ABCG1: variants seen among roughly 807,000 people sequenced by gnomAD.
The protein encoded by ABCG1 is ATP-binding cassette sub-family G member 1.
ABCG1 carries 29 observed loss-of-function variants against 69.2 expected under a neutral mutation model. The observed-to-expected ratio is 0.42, with a 90% CI of 0.31 to 0.57. The LOEUF (loss-of-function observed/expected upper bound fraction) is 0.57, where lower values mean the gene tolerates loss of function less well. Ranked by LOEUF, ABCG1 falls within the 20% of genes least tolerant of loss-of-function variation. The probability of loss-of-function intolerance (pLI) is 0.15; values close to 1 mark genes in which losing one functional copy is unlikely to be tolerated. For synonymous variants in ABCG1, 370 were observed against 374.8 expected (o/e 0.99, Z 0.15); for missense variants, 718 against 898.1 (o/e 0.80, Z 2.56).
chr21:42,217,979 T>C (rs975173017), upstream of ABCG1, among the ~76,000 whole-genome samples: 12 of 152,082 alleles, frequency 7.9e-5, no homozygotes, highest in African/African-American at 2.4e-4. Context: ...GGATGACTCT[T>C]GAGACAACAC....
At chr21:42,278,286 AC>A (rs891393879) in intron 5 of ABCG1, among the ~76,000 whole-genome samples, 2 of 151,306 alleles carry the variant, frequency 1.3e-5, no homozygotes, top group African/African-American at 2.4e-5. Context: ...TAACGTAGAC[AC>A]CCCCCCACAA....
chr21:42,220,052 T>G, intron 1 of ABCG1: 2 of 1,551,046 alleles, frequency 1.3e-6, no homozygotes, highest in Non-Finnish European at 1.7e-6. Context: ...TTACTGTAAG[T>G]GCTGTTTCCA....
chr21:42,293,519 CCACACATACTACACACCACGCACTA>C (rs961485769), intron 13 of ABCG1, among the ~76,000 whole-genome samples: 2 of 146,658 alleles, frequency 1.4e-5, no homozygotes, highest in Non-Finnish European at 3.0e-5. Flanking sequence ...ACACTACCCA[CCACACATACTACACACCACGCACTA>C]CACACATACC....
intron 2 of ABCG1, among the ~76,000 whole-genome samples, chr21:42,266,184 C>T (rs1166501183): frequency 6.6e-6 from 1 of 152,174 alleles, no homozygotes; most frequent in South Asian, 2.1e-4. Context: ...ACCTGTAATC[C>T]CAGCTACTCA....
At position 42,288,674 on chromosome 21, in the gene ABCG1, C is replaced by T. The variant is rs1467053581; in HGVS notation, c.1224+362C>T. Among the ~76,000 whole-genome samples, 1 of 151,232 alleles carries T rather than the reference C, an allele frequency of 6.6e-6. No individual in the cohort carries two copies. Among genetic ancestry groups the T allele is most frequent in the Non-Finnish European group, 1.5e-5 (1 of 67,920 alleles). ...AGTGAGCCGAGATTGCACCACTGCA[C>T]TCCAGCCTGGGTGACAGAGAGAGAC... On this transcript the variant is annotated intron_variant, in intron 10 of 14. Transcript: ENST00000398449. This position sits in a 1 kb window ranked among gnomAD's most constrained non-coding sequence, Gnocchi z 4.8.
At chr21:42,289,257 C>A (rs2069007709) in intron 10 of ABCG1, among the ~76,000 whole-genome samples, 1 of 152,234 alleles carries the variant, frequency 6.6e-6, no homozygotes, top group South Asian at 2.1e-4. Flanking sequence ...ATGGCTCTGT[C>A]CCATAAGTCT....
upstream of ABCG1, among the ~76,000 whole-genome samples, chr21:42,218,276 G>A (rs928663626): frequency 2.0e-5 from 3 of 152,196 alleles, no homozygotes; most frequent in Non-Finnish European, 2.9e-5. Flanking sequence ...ATTAGGGCCT[G>A]AGACTGGGAG....
chr21:42,253,358 TG>T (rs987440593), intron 2 of ABCG1, among the ~76,000 whole-genome samples: 2 of 152,182 alleles, frequency 1.3e-5, no homozygotes, highest in Non-Finnish European at 2.9e-5. Context: ...TCATGTGGTT[TG>T]GGGGAAAGCT....
chr21:42,213,889 G>A (rs757147796), upstream of ABCG1, among the ~76,000 whole-genome samples: 6 of 152,176 alleles, frequency 3.9e-5, no homozygotes, highest in South Asian at 2.1e-4. Context: ...CAAGTTCACC[G>A]CTGAAGGAAT....
chr21:42,255,519 T>G (rs1478032902), intron 2 of ABCG1, among the ~76,000 whole-genome samples: 2 of 152,204 alleles, frequency 1.3e-5, no homozygotes, highest in African/African-American at 4.8e-5. Flanking sequence ...TCATGGCCTG[T>G]GTGTGCACAC....
chr21:42,225,541 A>C, intron 1 of ABCG1, 130 bp from the exon 2 acceptor site: 2 of 1,169,758 alleles, frequency 1.7e-6, no homozygotes, highest in Non-Finnish European at 2.4e-6. Flanking sequence ...CTGGGGCCAA[A>C]GGTGCTCCTG....
rs1211923976 is a variant in ABCG1, at chr21:42,219,592, G to A, written c.42+288G>A. ...AGTTGCCCTACAAGTTGGACCGATG[G>A]CCTTGACCTGATGGCTTCTGGGCGG... On this transcript the variant is annotated intron_variant, in intron 1 of 14. Transcript: ENST00000398449. The surrounding 1 kb of genome is among the most constrained non-coding windows in gnomAD (Gnocchi z 5.3). 6.6e-6 allele frequency among the ~76,000 whole-genome samples: 1 copy of A among 152,098 alleles called. No homozygotes were observed. Among genetic ancestry groups the A allele is most frequent in the East Asian group, 1.9e-4 (1 of 5,152 alleles).
chr21:42,217,679 C>CTTTTTTTTTTTT (rs71190409), upstream of ABCG1, among the ~76,000 whole-genome samples: 28 of 61,640 alleles, frequency 4.5e-4, 1 homozygote, highest in African/African-American at 1.5e-3. Flanking sequence ...TGGATCTACT[C>CTTTTTTTTTTTT]TTTTTTTTTT....
intron 2 of ABCG1, among the ~76,000 whole-genome samples, chr21:42,240,645 G>A (rs555367976): frequency 2.0e-5 from 3 of 152,316 alleles, no homozygotes; most frequent in Admixed American, 2.0e-4. Context: ...ATGGGGTTTC[G>A]CCATGTTGGC....
chr21:42,242,491 G>C (rs1284304177), intron 2 of ABCG1, among the ~76,000 whole-genome samples: 2 of 152,190 alleles, frequency 1.3e-5, no homozygotes, highest in Admixed American at 1.3e-4. Flanking sequence ...TGACAGCAGA[G>C]ACCCTGTCCC....
intron 2 of ABCG1, among the ~76,000 whole-genome samples, chr21:42,264,371 A>G (rs1165346529): frequency 6.6e-6 from 1 of 152,198 alleles, no homozygotes; most frequent in Non-Finnish European, 1.5e-5. Flanking sequence ...CTGTTCATCC[A>G]TCCATCTGTC....
intron 6 of ABCG1, 32 bp from the exon 7 acceptor site, chr21:42,284,528 G>T (rs200210050): frequency 3.7e-6 from 6 of 1,608,122 alleles, no homozygotes; most frequent in Non-Finnish European, 1.7e-6. Context: ...CCTGCCGCCC[G>T]CAGGCGTCTC....
chr21:42,201,887 A>G (rs2067509590), intron 2 of ABCG1, among the ~76,000 whole-genome samples: 1 of 152,158 alleles, frequency 6.6e-6, no homozygotes, highest in African/African-American at 2.4e-5. Context: ...CCCGAGGCAA[A>G]CTGGGGACCT....
chr21:42,260,354 C>A (rs73362775), intron 2 of ABCG1, among the ~76,000 whole-genome samples: 7,249 of 152,296 alleles, frequency 0.048, 532 homozygotes, highest in African/African-American at 0.16. Context: ...GCTGCTCCTG[C>A]CAGGGGCTCA....
Sources: gnomAD v4.1 joint callset for allele counts (sites outside exome capture counted in the v4.1 genomes callset) on GRCh38, gnomAD v4.1.1 for gene constraint, Gnocchi (gnomAD v3.1) non-coding constraint, MANE v1.5 for transcripts, NCBI Gene and HGNC (gene_info 2026-07-23, HGNC 2026-07-21) for gene names.